The following PTPRN2 variants were observed in gnomAD, a reference collection of about 807,000 sequenced individuals.
The protein encoded by PTPRN2 is protein tyrosine phosphatase receptor type N2.
Under a neutral mutation model 118.8 loss-of-function variants are expected in PTPRN2, and 74 were observed. The ratio of observed to expected loss-of-function variants is 0.62; its 90% CI spans 0.52 to 0.76. The LOEUF (loss-of-function observed/expected upper bound fraction) is 0.76, where lower values mean the gene tolerates loss of function less well. PTPRN2 is among the 30% of genes least tolerant of loss of function. The pLI, the probability that PTPRN2 is intolerant of heterozygous loss-of-function variation, is 0.00. For missense variants in PTPRN2, 1,481 were observed against 1,394.4 expected (o/e 1.06, Z -0.99); for synonymous variants, 641 against 608.0 (o/e 1.05, Z -0.80).
At chr7:158,342,884 G>C (rs904366353) in intron 2 of PTPRN2, among the ~76,000 whole-genome samples, 5 of 151,996 alleles carry the variant, frequency 3.3e-5, no homozygotes, top group Non-Finnish European at 7.4e-5. Context: ...CCAAGATCCA[G>C]GAAATATTAA....
At chr7:157,555,765 A>G (rs1332916740) in intron 21 of PTPRN2, among the ~76,000 whole-genome samples, 7 of 152,162 alleles carry the variant, frequency 4.6e-5, no homozygotes, top group African/African-American at 1.2e-4. Context: ...GCAGGAGAAA[A>G]TTTTCTCAAC....
chr7:157,633,105 T>TG (rs1462783925), intron 14 of PTPRN2, among the ~76,000 whole-genome samples: 1 of 152,046 alleles, frequency 6.6e-6, no homozygotes, highest in Non-Finnish European at 1.5e-5. Context: ...CCAAAGACCC[T>TG]GTCCTCATGT....
At chr7:158,226,872 A>G (rs1828828482) in intron 3 of PTPRN2, among the ~76,000 whole-genome samples, 1 of 152,038 alleles carries the variant, frequency 6.6e-6, no homozygotes, top group Non-Finnish European at 1.5e-5. Flanking sequence ...AAACTCTCTC[A>G]GGGTCATTAA....
intron 3 of PTPRN2, among the ~76,000 whole-genome samples, chr7:158,208,668 G>A (rs1170839811): frequency 6.6e-6 from 1 of 152,154 alleles, no homozygotes; most frequent in Non-Finnish European, 1.5e-5. Context: ...TCTTCCGTCT[G>A]AAATAAAAGA....
intron 17 of PTPRN2, among the ~76,000 whole-genome samples, chr7:157,578,856 C>G (rs1055754907): frequency 6.6e-6 from 1 of 152,244 alleles, no homozygotes; most frequent in Non-Finnish European, 1.5e-5. Flanking sequence ...TACCCAAAAC[C>G]ACTAATCCTG....
rs370513309 is a variant in PTPRN2, at chr7:158,301,390, G to T, written c.277+15429C>A. Among the ~76,000 whole-genome samples, 8 of 152,336 alleles carry T rather than the reference G, an allele frequency of 5.3e-5. 1 individual carries two copies. The South Asian group carries it at 1.7e-3, about 32-fold the overall frequency. Reference sequence around the variant, plus strand: ...GCGCTCAATTGTAAGAAGCTGAACAGATGTATTTATTCAGAATTCCCAAGC... The same window carrying T: ...GCGCTCAATTGTAAGAAGCTGAACATATGTATTTATTCAGAATTCCCAAGC... On this transcript the variant is annotated intron_variant, in intron 3 of 22. Transcript: ENST00000389418.
rs554998832 is a variant in PTPRN2, at chr7:157,779,980, A to C, written c.1789-97043T>G. 6.6e-6 allele frequency among the ~76,000 whole-genome samples: 1 copy of C among 152,330 alleles called. No individual in the cohort carries two copies. Among genetic ancestry groups the C allele is most frequent in the South Asian group, 2.1e-4 (1 of 4,814 alleles). On this transcript the variant is annotated intron_variant, in intron 12 of 22. Coordinates refer to ENST00000389418, the MANE Select transcript of PTPRN2 (RefSeq NM_002847.5). The surrounding 1 kb of genome is among the most constrained non-coding windows in gnomAD (Gnocchi z 4.7). Reference sequence around the variant, plus strand: ...ACGGGTTAATAAAAATGCTGACCCCAGTTCCCAAGGTCCACAATGTCCATG... The same window carrying C: ...ACGGGTTAATAAAAATGCTGACCCCCGTTCCCAAGGTCCACAATGTCCATG...
intron 2 of PTPRN2, among the ~76,000 whole-genome samples, chr7:158,444,335 G>C (rs1386184708): frequency 6.6e-6 from 1 of 152,264 alleles, no homozygotes; most frequent in East Asian, 1.9e-4. Context: ...CCAGCGCCCA[G>C]GCGCCTCCTC....
intron 3 of PTPRN2, among the ~76,000 whole-genome samples, chr7:158,270,531 C>G (rs371860235): frequency 1.3e-5 from 2 of 152,224 alleles, no homozygotes; most frequent in Middle Eastern, 3.4e-3. Context: ...TATGACCAGG[C>G]CAGGCCCCCT....
intron 3 of PTPRN2, among the ~76,000 whole-genome samples, chr7:158,267,164 T>A (rs1033190465): frequency 2.0e-5 from 3 of 152,208 alleles, no homozygotes. Context: ...CGTGGAATTT[T>A]AAAAGCTGCT....
intron 1 of PTPRN2, among the ~76,000 whole-genome samples, chr7:158,560,362 T>C (rs1215886550): frequency 6.6e-6 from 1 of 152,278 alleles, no homozygotes; most frequent in African/African-American, 2.4e-5. Context: ...TTTTAACGCT[T>C]ACCTCATATA....
At chr7:158,538,910 AG>A (rs1261492066) in intron 1 of PTPRN2, among the ~76,000 whole-genome samples, 1 of 152,172 alleles carries the variant, frequency 6.6e-6, no homozygotes, top group East Asian at 1.9e-4. Flanking sequence ...ACAGGTGGGC[AG>A]GGGGTGGTCT....
chr7:158,222,278 C>T (rs1195023882), intron 3 of PTPRN2, among the ~76,000 whole-genome samples: 1 of 152,068 alleles, frequency 6.6e-6, no homozygotes, highest in African/African-American at 2.4e-5. Flanking sequence ...AGCACCTGTA[C>T]ATTCATCACG....
At chr7:157,800,419 C>T (rs1440293948) in intron 12 of PTPRN2, among the ~76,000 whole-genome samples, 3 of 152,212 alleles carry the variant, frequency 2.0e-5, no homozygotes, top group Admixed American at 2.0e-4. Context: ...CCCCGCTGCG[C>T]TCCCAGCTCC....
At chr7:157,996,281 G>A (rs1264200828) in intron 11 of PTPRN2, among the ~76,000 whole-genome samples, 1 of 152,182 alleles carries the variant, frequency 6.6e-6, no homozygotes, top group African/African-American at 2.4e-5. Flanking sequence ...GACCCGGGAC[G>A]CTGGGAAGGG....
At chr7:158,225,146 T>C (rs1828657346) in intron 3 of PTPRN2, among the ~76,000 whole-genome samples, 1 of 152,044 alleles carries the variant, frequency 6.6e-6, no homozygotes, top group Non-Finnish European at 1.5e-5. Flanking sequence ...AATGTCAAAT[T>C]TTGTTCTGGA....
intron 1 of PTPRN2, among the ~76,000 whole-genome samples, chr7:158,571,016 G>A (rs1240753899): frequency 1.3e-5 from 2 of 152,270 alleles, no homozygotes; most frequent in Non-Finnish European, 2.9e-5. Flanking sequence ...ACTGGCAGGA[G>A]CCGCACCGGA....
chr7:157,982,681 A>T (rs1390870013), intron 11 of PTPRN2, among the ~76,000 whole-genome samples: 1 of 132,104 alleles, frequency 7.6e-6, no homozygotes, highest in Admixed American at 7.9e-5. Context: ...ACCCCGAGTC[A>T]CAGAGATGGA....
At chr7:158,283,177 T>C (rs1009787654) in intron 3 of PTPRN2, among the ~76,000 whole-genome samples, 34 of 152,246 alleles carry the variant, frequency 2.2e-4, no homozygotes, top group Admixed American at 1.8e-3. Context: ...GTTACGTTCA[T>C]GCCATGCTTT....
Sources: allele counts gnomAD v4.1 joint callset (sites outside exome capture counted in the v4.1 genomes callset), GRCh38; gene constraint gnomAD v4.1.1; non-coding constraint Gnocchi (gnomAD v3.1); transcripts MANE v1.5; gene names NCBI Gene and HGNC (gene_info 2026-07-23, HGNC 2026-07-21).